ADAMTS7: variants seen among roughly 807,000 people sequenced by gnomAD.
ADAMTS7 encodes ADAM metallopeptidase with thrombospondin type 1 motif 7.
Under a neutral mutation model 172.6 loss-of-function variants are expected in ADAMTS7, and 89 were observed. The observed-to-expected ratio is 0.52, with a 90% CI of 0.43 to 0.61. The LOEUF is 0.61. ADAMTS7 is among the 20% of genes least tolerant of loss of function. The pLI, the probability that ADAMTS7 is intolerant of heterozygous loss-of-function variation, is 0.00. For missense variants in ADAMTS7, 1,973 were observed against 2,355.6 expected (o/e 0.84, Z 3.36); for synonymous variants, 885 against 978.4 (o/e 0.90, Z 1.78).
intron 6 of ADAMTS7, among the ~76,000 whole-genome samples, chr15:78,790,395 A>G (rs2055562030): frequency 6.6e-6 from 1 of 152,228 alleles, no homozygotes; most frequent in Non-Finnish European, 1.5e-5. Context: ...ACTGTGCTCT[A>G]GTCATGCAAG....
At position 78,766,280 on chromosome 15, in the gene ADAMTS7, G is replaced by A. The variant is rs1042098193; in HGVS notation, c.3631C>T (p.Arg1211Trp). Residue 1211 changes from arginine to tryptophan, a missense_variant, in exon 19 of 24, where the codon CGG becomes TGG. This residue lies in a region of ADAMTS7 where 771 missense variants were observed against 952.6 expected (regional missense o/e 0.81). Transcript: ENST00000388820. ...TTGAAAACCTCATTGGTCCTGTCCC[G>A]CCATGGAGGGGGCAGCTGGCTCTGG... ...DSQSQLPPPW[R>W]DRTNEVFKDD... 5.0e-6 allele frequency: 8 copies of A among 1,611,814 alleles called. No individual in the cohort carries two copies. The highest frequency in any genetic ancestry group is 3.3e-5 in the South Asian group (3 of 91,024).
chr15:78,762,649 C>T, intron 22 of ADAMTS7, 84 bp from the exon 23 acceptor site: 8 of 1,143,638 alleles, frequency 7.0e-6, no homozygotes, highest in Non-Finnish European at 9.3e-6. Context: ...GAAGCCGTCC[C>T]TGCGCCCTGT....
rs1476485206 is a variant in ADAMTS7, at chr15:78,774,731, T to C, written c.1769A>G (p.Gln590Arg). The stretch of plus-strand genomic sequence containing the variant: ...GGAGGGGCGGCCAGCAGGGCAGGCC[T>C]GCAGGTTGCAGAGGCGGAAGCGCTT... ...ERKRFRLCNL[Q>R]ACPAGRPSFR... The change falls in exon 12 of 24, where the codon CAG becomes CGG. Residue 590 changes from glutamine (Q) to arginine (R), a missense_variant. Gln to Arg is a conservative substitution (Grantham distance 43). This residue lies in a region of ADAMTS7 where 526 missense variants were observed against 662.9 expected (regional missense o/e 0.79). Transcript: ENST00000388820. 4 of 1,611,472 alleles carry C rather than the reference T, an allele frequency of 2.5e-6. No homozygotes were observed. Among genetic ancestry groups the C allele is most frequent in the Non-Finnish European group, 3.4e-6 (4 of 1,179,774 alleles).
Position 78,777,183 on chromosome 15 carries a change from A to G in ADAMTS7, c.1467+261T>C, listed in dbSNP as rs547710480. On this transcript the variant is annotated intron_variant, in intron 9 of 23. Coordinates refer to ENST00000388820, the MANE Select transcript of ADAMTS7 (RefSeq NM_014272.5). ...CACAGGGGTTCCTTTTCCCTCTTATAAGCCAGCTCCAGAGAGGCGAAGGGA... is the reference window on the plus strand; with the variant it reads ...CACAGGGGTTCCTTTTCCCTCTTATGAGCCAGCTCCAGAGAGGCGAAGGGA... 1,044 of 580,384 alleles carry G rather than the reference A, an allele frequency of 1.8e-3. 6 individuals are homozygous for G. The highest frequency in any genetic ancestry group is 2.4e-3 in the Non-Finnish European group (786 of 328,062). 36.0% of individuals were successfully genotyped at this position (580,384 alleles called of 1,614,324 possible). A position where few individuals can be genotyped will look rare whatever the true frequency, so the allele number is the denominator to read the frequency against.
At chr15:78,795,636 A>T (rs539936772) in intron 4 of ADAMTS7, among the ~76,000 whole-genome samples, 10 of 152,234 alleles carry the variant, frequency 6.6e-5, no homozygotes, top group African/African-American at 2.2e-4. Context: ...GCTCCTTTAG[A>T]TATTATCCTG....
chr15:78,777,901 C>T (rs2055374928), intron 8 of ADAMTS7, among the ~76,000 whole-genome samples: 1 of 152,212 alleles, frequency 6.6e-6, no homozygotes, highest in Non-Finnish European at 1.5e-5. Context: ...CGTCATGTGG[C>T]CCTGCTCTCC....
rs373311613 is a variant in ADAMTS7 at position 78,774,685 on chromosome 15, G to A, written c.1815C>T (p.Ser605=). 1.6e-4 allele frequency: 258 copies of A among 1,611,562 alleles called. No individual in the cohort carries two copies. Among genetic ancestry groups the A allele is most frequent in the Non-Finnish European group, 2.1e-4 (249 of 1,179,822 alleles). ...CCTTGTAGAGCATAGCGTCAAAGTG[G>A]CTGCACTGGACGTGGCGGAAGGAGG... is the stretch of plus-strand genomic sequence containing the variant. ...GRPSFRHVQC[S]HFDAMLYKGQ... The change falls in exon 12 of 24, where the codon AGC becomes AGT. Residue 605 remains serine, a synonymous_variant. Transcript: ENST00000388820.
chr15:78,794,234 C>T (rs1237097318), intron 4 of ADAMTS7, among the ~76,000 whole-genome samples: 1 of 152,152 alleles, frequency 6.6e-6, no homozygotes, highest in Admixed American at 6.5e-5. Context: ...AGTGAAATTC[C>T]ACCTCTAAAG....
rs563229402 is a variant in ADAMTS7 at position 78,764,866 on chromosome 15, T to C, written c.4267-159A>G. ...TGCAAAATAGGCTCCTTCACCCACC[T>C]CCCAGGAAGACCGTGAGAATGAAAA... On this transcript the variant is annotated intron_variant, in intron 19 of 23. Transcript: ENST00000388820. 17 of 689,750 alleles carry C rather than the reference T, an allele frequency of 2.5e-5. No homozygotes were observed. The South Asian group carries it at 4.1e-4, about 17-fold the overall frequency. 42.7% of individuals were successfully genotyped at this position (689,750 alleles called of 1,614,324 possible). A position where few individuals can be genotyped will look rare whatever the true frequency, so the allele number is the denominator to read the frequency against.
Position 78,773,069 on chromosome 15 carries a change from G to C in ADAMTS7, c.2131+14C>G. Reference sequence around the variant, plus strand: ...GAAGAGCATACCCCTCCCCACAGCGGTCCCACCCCATACCCAGGCCCTCGG... The same window carrying C: ...GAAGAGCATACCCCTCCCCACAGCGCTCCCACCCCATACCCAGGCCCTCGG... On this transcript the variant is annotated intron_variant, in intron 14 of 23. Coordinates refer to ENST00000388820, the MANE Select transcript of ADAMTS7 (RefSeq NM_014272.5). The C allele has an allele frequency of 6.8e-7, 1 of 1,470,634 alleles. No individual in the cohort carries two copies. The highest frequency in any genetic ancestry group is 9.3e-7 in the Non-Finnish European group (1 of 1,071,714). The allele number at this position is 1,470,634 out of a possible 1,614,324, so 91.1% of individuals were successfully genotyped here. A position where few individuals can be genotyped will look rare whatever the true frequency, so the allele number is the denominator to read the frequency against.
chr15:78,797,647 G>T (rs1347974508), intron 3 of ADAMTS7, among the ~76,000 whole-genome samples: 1 of 152,244 alleles, frequency 6.6e-6, no homozygotes, highest in African/African-American at 2.4e-5. Context: ...GCAGAGCCAG[G>T]TACCATAGGC....
At chr15:78,763,646 G>A in intron 22 of ADAMTS7, 53 bp downstream of exon 22, 1 of 1,500,274 alleles carries the variant, frequency 6.7e-7, no homozygotes, top group South Asian at 1.3e-5. Context: ...ACCCAAGACT[G>A]ACCAGGCGCC....
chr15:78,800,439 C>T lies in ADAMTS7; in HGVS notation c.209G>A (p.Arg70Gln). The change falls in exon 2 of 24, where the codon CGG (arginine) becomes CAG (glutamine). Residue 70 changes from arginine (R) to glutamine (Q), a missense_variant. Physicochemically the swap from Arg to Gln is conservative, Grantham distance 43. This residue lies in a region of ADAMTS7 where 306 missense variants were observed against 288.0 expected (regional missense o/e 1.06). Transcript: ENST00000388820. ...CGCGTCTCGGCGCACAGATACATCC[C>T]GCTTGCGCAGTGCGCGGGGCCACAG... ...YELWPRALRK[R>Q]DVSVRRDAPA... 6.2e-7 allele frequency: 1 copy of T among 1,610,866 alleles called. No homozygotes were observed. Among genetic ancestry groups the T allele is most frequent in the Non-Finnish European group, 8.5e-7 (1 of 1,178,964 alleles).
intron 6 of ADAMTS7, among the ~76,000 whole-genome samples, chr15:78,790,362 A>G (rs1390498807): frequency 6.6e-6 from 1 of 152,220 alleles, no homozygotes; most frequent in East Asian, 1.9e-4. Flanking sequence ...GGATGGTATC[A>G]GTGTCAGTTT....
At chr15:78,788,575 T>C (rs2055538220) in intron 7 of ADAMTS7, among the ~76,000 whole-genome samples, 2 of 152,214 alleles carry the variant, frequency 1.3e-5, no homozygotes, top group Non-Finnish European at 2.9e-5. Flanking sequence ...GTATGACAGC[T>C]AGTATCCCAA....
At chr15:78,763,639 C>G in intron 22 of ADAMTS7, 60 bp downstream of exon 22, 1 of 1,497,792 alleles carries the variant, frequency 6.7e-7, no homozygotes, top group Non-Finnish European at 8.8e-7. Context: ...TCACCCAACC[C>G]AAGACTGACC....
At chr15:78,785,890 T>C (rs1596191282) in intron 8 of ADAMTS7, among the ~76,000 whole-genome samples, 1 of 151,140 alleles carries the variant, frequency 6.6e-6, no homozygotes. Context: ...TGGGGAGAAG[T>C]GGGGCAGGTG....
intron 23 of ADAMTS7, among the ~76,000 whole-genome samples, 180 bp from the exon 24 acceptor site, chr15:78,759,758 C>T (rs542738033): frequency 6.6e-6 from 1 of 152,314 alleles, no homozygotes; most frequent in East Asian, 1.9e-4. Flanking sequence ...CTCTGTCCCA[C>T]CTACTCATGG....
At chr15:78,792,375 T>A (rs2055592201) in intron 4 of ADAMTS7, among the ~76,000 whole-genome samples, 1 of 152,238 alleles carries the variant, frequency 6.6e-6, no homozygotes. Context: ...GCTCAGTTGT[T>A]GAGGTCTCCT....
Sources: allele counts gnomAD v4.1 joint callset (sites outside exome capture counted in the v4.1 genomes callset), GRCh38; gene constraint gnomAD v4.1.1; regional missense constraint gnomAD v4.1.1; transcripts MANE v1.5; gene names NCBI Gene and HGNC (gene_info 2026-07-23, HGNC 2026-07-21).